Variants in ANO6 observed in about 807,000 individuals in gnomAD.
ANO6 encodes the protein anoctamin 6.
A neutral mutation model predicts 117.5 loss-of-function variants in ANO6; 106 were observed. The observed-to-expected ratio is 0.90, with a 90% CI of 0.77 to 1.06. ANO6 has a LOEUF of 1.06. Among genes scored for constraint, ANO6 ranks in the 50% least tolerant of loss-of-function variants. The pLI is 0.00. For missense variants in ANO6, 955 were observed against 1,121.1 expected (o/e 0.85, Z 2.12); for synonymous variants, 367 against 385.1 (o/e 0.95, Z 0.55).
intron 1 of ANO6, 53 bp downstream of exon 1, chr12:45,216,444 G>T: frequency 6.3e-7 from 1 of 1,584,444 alleles, no homozygotes; most frequent in Non-Finnish European, 8.6e-7. Flanking sequence ...GACGCGGGAA[G>T]AAGTTCGGGG....
chr12:45,360,043 T>C (rs1005789308), intron 8 of ANO6, among the ~76,000 whole-genome samples: 2 of 152,234 alleles, frequency 1.3e-5, no homozygotes, highest in Admixed American at 6.5e-5. Flanking sequence ...CTCATGTGTT[T>C]GTCATTTGTA....
rs776898737 is a variant in ANO6 at position 45,390,463 on chromosome 12, C to T, written c.1351C>T (p.Arg451Trp). 8 of 1,613,678 alleles carry T rather than the reference C, an allele frequency of 5.0e-6. No individual in the cohort carries two copies. In the East Asian group the frequency reaches 1.1e-4, roughly 22 times the overall value. The stretch of plus-strand genomic sequence containing the variant: ...CTTTACTGCCTGGGGAAAATGTATA[C>T]GGATAACCCTCTGTGCCAGTGCTGT... Reference protein sequence around the residue: ...IPFTAWGKCIRITLCASAVFF... With the variant: ...IPFTAWGKCIWITLCASAVFF... Residue 451 changes from arginine (R) to tryptophan (W), a missense_variant, in exon 12 of 20, where the codon CGG (arginine) becomes TGG (tryptophan). Transcript: ENST00000320560.
intron 9 of ANO6, among the ~76,000 whole-genome samples, chr12:45,373,105 G>T (rs1484906806): frequency 6.6e-6 from 1 of 151,926 alleles, no homozygotes. Flanking sequence ...AAGATCAAAA[G>T]AGACAAAGAA....
intron 1 of ANO6, among the ~76,000 whole-genome samples, chr12:45,269,353 GTCT>G (rs754538892): frequency 1.3e-5 from 2 of 152,204 alleles, no homozygotes; most frequent in Non-Finnish European, 2.9e-5. Flanking sequence ...GTAATGAATA[GTCT>G]TCTTCTAAGG....
intron 1 of ANO6, among the ~76,000 whole-genome samples, chr12:45,236,054 T>A (rs1448143603): frequency 6.6e-6 from 1 of 152,186 alleles, no homozygotes; most frequent in African/African-American, 2.4e-5. Flanking sequence ...GAGAAGGAAA[T>A]TAGTTACAGG....
intron 1 of ANO6, among the ~76,000 whole-genome samples, chr12:45,239,795 A>G (rs1316330861): frequency 6.6e-6 from 1 of 152,176 alleles, no homozygotes. Context: ...CCAGTAATTC[A>G]GGAGCAGGTT....
intron 2 of ANO6, among the ~76,000 whole-genome samples, chr12:45,322,771 AC>A (rs2137373610): frequency 6.6e-6 from 1 of 152,250 alleles, no homozygotes; most frequent in African/African-American, 2.4e-5. Flanking sequence ...GTCAAAGGTC[AC>A]CTATATTTTA....
At chr12:45,405,036 G>T (rs997772923) in intron 15 of ANO6, among the ~76,000 whole-genome samples, 7 of 151,520 alleles carry the variant, frequency 4.6e-5, no homozygotes, top group African/African-American at 1.7e-4. Context: ...TCTAAACAAA[G>T]ATCTCTCTCC....
intron 2 of ANO6, among the ~76,000 whole-genome samples, chr12:45,314,493 A>G (rs1169902306): frequency 6.7e-6 from 1 of 149,710 alleles, no homozygotes; most frequent in Admixed American, 6.7e-5. Context: ...ACACACACAC[A>G]TATATACATA....
Position 45,236,433 on chromosome 12 carries a change from C to T in ANO6, c.70+20042C>T, listed in dbSNP as rs557333447. ...TGTGTGCTGTTCCCCACCCTGTGTC[C>T]AAGTGTTCTCATTGTTCAATTCCCA... On this transcript the variant is annotated intron_variant, in intron 1 of 19. Transcript: ENST00000320560. Among the ~76,000 whole-genome samples, 10 of 152,218 alleles carry T rather than the reference C, an allele frequency of 6.6e-5. No homozygotes were observed. In the South Asian group the frequency reaches 2.1e-3, roughly 32 times the overall value.
At chr12:45,355,907 T>A (rs920405161) in intron 7 of ANO6, among the ~76,000 whole-genome samples, 2 of 152,138 alleles carry the variant, frequency 1.3e-5, no homozygotes, top group Non-Finnish European at 2.9e-5. Flanking sequence ...TCAGCCCAGC[T>A]CCATACTGAG....
At chr12:45,423,860 T>A (rs1943427694) in intron 19 of ANO6, among the ~76,000 whole-genome samples, 1 of 152,194 alleles carries the variant, frequency 6.6e-6, no homozygotes. Flanking sequence ...CAGAAGCCCC[T>A]ACAGTGGACT....
intron 3 of ANO6, among the ~76,000 whole-genome samples, chr12:45,335,112 TG>T: frequency 6.6e-6 from 1 of 152,186 alleles, no homozygotes; most frequent in South Asian, 2.1e-4. Context: ...TTTATGTCCT[TG>T]AAGTTGAAAA....
chr12:45,337,467 T>C (rs1186405651), intron 3 of ANO6, among the ~76,000 whole-genome samples: 1 of 152,094 alleles, frequency 6.6e-6, no homozygotes, highest in Non-Finnish European at 1.5e-5. Context: ...TGTTCATATG[T>C]ACACTCTATG....
At chr12:45,313,936 G>A (rs1461907168) in intron 2 of ANO6, among the ~76,000 whole-genome samples, 2 of 152,040 alleles carry the variant, frequency 1.3e-5, no homozygotes, top group South Asian at 4.1e-4. Flanking sequence ...TATGCTTAGA[G>A]AAATACAAAG....
intron 1 of ANO6, among the ~76,000 whole-genome samples, chr12:45,266,064 T>A (rs1487545461): frequency 1.3e-5 from 2 of 152,230 alleles, no homozygotes; most frequent in Admixed American, 6.5e-5. Flanking sequence ...AAACTTCCCC[T>A]GGCCATTCAA....
rs527478219 is a variant in ANO6 at position 45,258,894 on chromosome 12, A to G, written c.70+42503A>G. On this transcript the variant is annotated intron_variant, in intron 1 of 19. Coordinates refer to ENST00000320560, the MANE Select transcript of ANO6 (RefSeq NM_001025356.3). ...ATGCCCTCAGGTTGCCGACAGTCTGATAGAGAAAGGGATGTGACTGCATGA... is the reference window on the plus strand; with the variant it reads ...ATGCCCTCAGGTTGCCGACAGTCTGGTAGAGAAAGGGATGTGACTGCATGA... 2.6e-5 allele frequency among the ~76,000 whole-genome samples: 4 copies of G among 152,340 alleles called. No homozygotes were observed. In the East Asian group the frequency reaches 7.7e-4, roughly 29 times the overall value.
At chr12:45,345,769 CCCAGGAAGTGTGGTTA>C (rs1378346944) in intron 3 of ANO6, among the ~76,000 whole-genome samples, 14 of 151,998 alleles carry the variant, frequency 9.2e-5, no homozygotes, top group African/African-American at 3.4e-4. Flanking sequence ...AGATTTTGAA[CCCAGGAAGTGTGGTTA>C]CAGAGCTCAT....
chr12:45,271,064 C>T (rs1938380017), intron 1 of ANO6, among the ~76,000 whole-genome samples: 2 of 152,082 alleles, frequency 1.3e-5, no homozygotes, highest in African/African-American at 4.8e-5. Context: ...GTACTATGGG[C>T]CAGGATCTTA....
Sources: gnomAD v4.1 joint callset for allele counts (sites outside exome capture counted in the v4.1 genomes callset) on GRCh38, gnomAD v4.1.1 for gene constraint, MANE v1.5 for transcripts, NCBI Gene and HGNC (gene_info 2026-07-23, HGNC 2026-07-21) for gene names.